Variants in RNF150 observed in about 807,000 individuals in gnomAD.
RNF150 encodes ring finger protein 150.
In RNF150, 24 loss-of-function variants were observed where a neutral mutation model predicts 39.3. The ratio of observed to expected loss-of-function variants is 0.61; its 90% CI spans 0.44 to 0.86. The LOEUF is 0.86. Among genes scored for constraint, RNF150 ranks in the 40% least tolerant of loss-of-function variants. The probability of loss-of-function intolerance (pLI) is 0.00; values close to 1 mark genes in which losing one functional copy is unlikely to be tolerated. For missense variants in RNF150, 502 were observed against 587.8 expected (o/e 0.85, Z 1.51); for synonymous variants, 255 against 227.3 (o/e 1.12, Z -1.10).
intron 1 of RNF150, among the ~76,000 whole-genome samples, chr4:141,148,950 C>G (rs990788641): frequency 2.0e-5 from 3 of 152,250 alleles, no homozygotes; most frequent in African/African-American, 7.2e-5. Context: ...GGTAGTCCAT[C>G]CATAGAGCCT....
Position 140,863,256 on chromosome 4 carries a change from G to T in RNF150, c.*5005C>A, listed in dbSNP as rs1032257978. On this transcript the variant is annotated 3_prime_UTR_variant, in exon 7 of 7. Coordinates refer to ENST00000515673, the MANE Select transcript of RNF150 (RefSeq NM_020724.2). ...CTGAGGGTGGGAGAAAGCAGATCTA[G>T]ACAGCATTCTGGAATTGTTGCTTTG... 6.6e-6 allele frequency: 1 copy of T among 152,176 alleles called. No homozygotes were observed. The highest frequency in any genetic ancestry group is 1.5e-5 in the Non-Finnish European group (1 of 68,046). 9.4% of individuals were successfully genotyped at this position (152,176 alleles called of 1,614,324 possible). A position where few individuals can be genotyped will look rare whatever the true frequency, so the allele number is the denominator to read the frequency against.
chr4:140,960,061 T>C (rs572632077), intron 2 of RNF150, among the ~76,000 whole-genome samples: 6 of 152,256 alleles, frequency 3.9e-5, no homozygotes, highest in Middle Eastern at 3.4e-3. Context: ...CATCTCTGCT[T>C]CAATATCTAA....
chr4:140,919,405 G>A (rs1450381735), intron 5 of RNF150, among the ~76,000 whole-genome samples: 4 of 135,858 alleles, frequency 2.9e-5, no homozygotes, highest in East Asian at 4.8e-4. Flanking sequence ...GACAAACAGA[G>A]AGCCAAATCA....
At chr4:140,961,702 A>G (rs1055662248) in intron 2 of RNF150, among the ~76,000 whole-genome samples, 10 of 152,130 alleles carry the variant, frequency 6.6e-5, no homozygotes, top group African/African-American at 2.4e-4. Context: ...TTGATCAGGA[A>G]GGAGTGTTAA....
chr4:141,142,902 C>A (rs1316969148), intron 1 of RNF150, among the ~76,000 whole-genome samples: 1 of 150,388 alleles, frequency 6.6e-6, no homozygotes, highest in East Asian at 2.0e-4. Flanking sequence ...TAGAGTCTGT[C>A]TCTGTCACCC....
At chr4:140,976,994 C>T (rs1234077517) in intron 1 of RNF150, among the ~76,000 whole-genome samples, 1 of 152,040 alleles carries the variant, frequency 6.6e-6, no homozygotes, top group East Asian at 1.9e-4. Flanking sequence ...GGGAACCTCC[C>T]ACACCCCCTC....
Position 141,079,393 on chromosome 4 carries a change from CT to C in RNF150, c.484+52931del, listed in dbSNP as rs574675034. ...TTTTATTTTTGCTTTCACTCATTTT[CT>C]TTCTTTGAGAAGAATATATAGTGAT... is the stretch of plus-strand genomic sequence containing the variant. On this transcript the variant is annotated intron_variant, in intron 1 of 6. Transcript: ENST00000515673. Among the ~76,000 whole-genome samples the C allele has an allele frequency of 2.6e-3, 403 of 152,284 alleles. 3 individuals are homozygous for C. The highest frequency in any genetic ancestry group is 9.2e-3 in the African/African-American group (381 of 41,578).
chr4:141,194,255 T>A (rs1167027498), intron 1 of RNF150, among the ~76,000 whole-genome samples: 1 of 152,226 alleles, frequency 6.6e-6, no homozygotes, highest in Non-Finnish European at 1.5e-5. Context: ...TTATACACAT[T>A]CAAAGTGTTG....
At chr4:141,160,591 G>C (rs1727493472) in intron 1 of RNF150, among the ~76,000 whole-genome samples, 1 of 152,152 alleles carries the variant, frequency 6.6e-6, no homozygotes, top group Non-Finnish European at 1.5e-5. Flanking sequence ...GTAATCCCCA[G>C]TGTTGGAGGT....
intron 1 of RNF150, among the ~76,000 whole-genome samples, chr4:141,006,938 A>C (rs1357171657): frequency 6.6e-6 from 1 of 152,242 alleles, no homozygotes; most frequent in Non-Finnish European, 1.5e-5. Context: ...GTTGGTCTAC[A>C]ATATAGATAT....
intron 5 of RNF150, among the ~76,000 whole-genome samples, chr4:140,913,840 A>G (rs1331610796): frequency 6.6e-6 from 1 of 152,224 alleles, no homozygotes; most frequent in African/African-American, 2.4e-5. Flanking sequence ...CTTGGGCATG[A>G]TCTGCCCTAA....
intron 1 of RNF150, among the ~76,000 whole-genome samples, chr4:141,183,455 A>G (rs576451333): frequency 1.2e-4 from 19 of 152,324 alleles, no homozygotes; most frequent in African/African-American, 4.6e-4. Flanking sequence ...CAAAAGTGAG[A>G]GAATTTTGCA....
intron 1 of RNF150, among the ~76,000 whole-genome samples, chr4:141,077,435 C>T (rs1737938333): frequency 6.6e-6 from 1 of 152,168 alleles, no homozygotes; most frequent in Admixed American, 6.5e-5. Context: ...CATTTTGGGG[C>T]TGATGGAACT....
At chr4:141,203,289 C>T (rs11946847) in intron 1 of RNF150, among the ~76,000 whole-genome samples, 10 of 127,236 alleles carry the variant, frequency 7.9e-5, no homozygotes, top group Non-Finnish European at 1.1e-4. Context: ...ATCTTGGAGA[C>T]GATATATATA....
At chr4:140,883,685 T>A (rs140475862) in intron 6 of RNF150, among the ~76,000 whole-genome samples, 3 of 152,322 alleles carry the variant, frequency 2.0e-5, no homozygotes, top group African/African-American at 7.2e-5. Context: ...ATAAGCTAAT[T>A]TTTTCTTGCT....
intron 4 of RNF150, among the ~76,000 whole-genome samples, chr4:140,929,281 AC>A (rs1190497856): frequency 6.6e-6 from 1 of 151,426 alleles, no homozygotes; most frequent in East Asian, 1.9e-4. Context: ...ATCCACAGAC[AC>A]TGGTCGTTGT....
At position 140,892,471 on chromosome 4, in the gene RNF150, TA is replaced by T. The variant is rs80121620; in HGVS notation, c.1198+18672del. Reference sequence around the variant, plus strand: ...GCTGCTTTTCATGTATTTATTAACTTAAAAAACCACGAGTTTAAGCTGATCT... The same window carrying T: ...GCTGCTTTTCATGTATTTATTAACTTAAAAACCACGAGTTTAAGCTGATCT... On this transcript the variant is annotated intron_variant, in intron 6 of 6. Transcript: ENST00000515673. 2.0e-3 allele frequency among the ~76,000 whole-genome samples: 298 copies of T among 152,322 alleles called. 8 individuals carry two copies. The East Asian group carries it at 0.045, about 23-fold the overall frequency.
intron 1 of RNF150, among the ~76,000 whole-genome samples, chr4:141,176,010 G>C (rs545445154): frequency 6.6e-6 from 1 of 151,758 alleles, no homozygotes; most frequent in East Asian, 1.9e-4. Flanking sequence ...TCAGCTTCTC[G>C]AGTAGCTGAG....
intron 1 of RNF150, among the ~76,000 whole-genome samples, chr4:141,190,552 G>A (rs1728092627): frequency 6.6e-6 from 1 of 152,154 alleles, no homozygotes; most frequent in Admixed American, 6.5e-5. Context: ...GCTTGGAAAA[G>A]GTCCTTGAGC....
Sources: gnomAD v4.1 joint callset for allele counts (sites outside exome capture counted in the v4.1 genomes callset) on GRCh38, gnomAD v4.1.1 for gene constraint, MANE v1.5 for transcripts, NCBI Gene and HGNC (gene_info 2026-07-23, HGNC 2026-07-21) for gene names.